PATJ: variants seen among roughly 807,000 people sequenced by gnomAD.
PATJ encodes the protein inaD-like protein.
PATJ carries 190 observed loss-of-function variants against 224.9 expected under a neutral mutation model. The ratio of observed to expected loss-of-function variants is 0.84; its 90% CI spans 0.75 to 0.95. PATJ has a LOEUF of 0.95. PATJ is among the 40% of genes least tolerant of loss of function. The pLI is 0.00. For missense variants in PATJ, 2,121 were observed against 2,270.3 expected (o/e 0.93, Z 1.34); for synonymous variants, 769 against 820.3 (o/e 0.94, Z 1.07).
At chr1:61,926,123 C>T (rs1675157686) in intron 26 of PATJ, among the ~76,000 whole-genome samples, 1 of 152,188 alleles carries the variant, frequency 6.6e-6, no homozygotes, top group African/African-American at 2.4e-5. Flanking sequence ...GTTCCCAGGA[C>T]TGTTCTCAGA....
chr1:61,946,438 C>T (rs533237571), intron 27 of PATJ, among the ~76,000 whole-genome samples: 2 of 152,134 alleles, frequency 1.3e-5, no homozygotes, highest in East Asian at 1.9e-4. Flanking sequence ...ACTATAAACA[C>T]CTCTATGCAA....
At chr1:62,105,934 A>G (rs1021702230) in intron 33 of PATJ, among the ~76,000 whole-genome samples, 4 of 148,276 alleles carry the variant, frequency 2.7e-5, no homozygotes, top group Non-Finnish European at 6.0e-5. Flanking sequence ...TTTTGTTTTT[A>G]ATAGAAAGTA....
Position 61,908,423 on chromosome 1 carries a change from A to T in PATJ, c.3433A>T (p.Ile1145Phe). The change falls in exon 25 of 44, where the codon ATT becomes TTT. Residue 1145 changes from isoleucine to phenylalanine, a missense_variant. Ile to Phe is a conservative substitution (Grantham distance 21). Transcript: ENST00000642238. ...NASHSEAVEA[I>F]KNAGNPVVFI... ...CTCACACAGCGAAGCAGTTGAGGCC[A>T]TTAAGAATGCAGGAAACCCTGTGGT... is the stretch of plus-strand genomic sequence containing the variant. The T allele has an allele frequency of 1.4e-5, 23 of 1,614,092 alleles. No individual in the cohort carries two copies. The highest frequency in any genetic ancestry group is 1.9e-5 in the Non-Finnish European group (23 of 1,179,952).
At chr1:61,896,680 T>C (rs780426915) in intron 22 of PATJ, among the ~76,000 whole-genome samples, 1 of 152,192 alleles carries the variant, frequency 6.6e-6, no homozygotes, top group South Asian at 2.1e-4. Context: ...TCTCAAATTG[T>C]ATTTCCCATG....
At chr1:61,955,527 T>C (rs778844853) in intron 27 of PATJ, among the ~76,000 whole-genome samples, 53 of 152,178 alleles carry the variant, frequency 3.5e-4, no homozygotes, top group Non-Finnish European at 2.4e-4. Flanking sequence ...CAAGAGGGGA[T>C]ACATGTGTAA....
chr1:62,139,274 G>A (rs1405325995), intron 41 of PATJ, among the ~76,000 whole-genome samples: 3 of 151,678 alleles, frequency 2.0e-5, no homozygotes, highest in Admixed American at 1.3e-4. Flanking sequence ...GGTGGCGGGC[G>A]CCTGTAGTCC....
intron 7 of PATJ, among the ~76,000 whole-genome samples, chr1:61,786,661 A>G (rs1361370094): frequency 1.3e-5 from 2 of 152,028 alleles, no homozygotes; most frequent in East Asian, 1.9e-4. Flanking sequence ...CACAGCCCAT[A>G]TAGAAGCTAT....
rs1006014436 is a variant in PATJ, at chr1:61,944,871, G to A, written c.3670+17042G>A. 7.9e-5 allele frequency among the ~76,000 whole-genome samples: 12 copies of A among 152,272 alleles called. No individual in the cohort carries two copies. In the East Asian group the frequency reaches 1.5e-3, roughly 20 times the overall value. On this transcript the variant is annotated intron_variant, in intron 27 of 43. Coordinates refer to ENST00000642238, the MANE Select transcript of PATJ (RefSeq NM_001350145.3). ...AAGGGAAGCCCATCAGACTAACAGC[G>A]GATCTCTCAGCAGAGACTCTACAAG...
chr1:61,922,753 A>G (rs1674513378), intron 26 of PATJ, among the ~76,000 whole-genome samples: 1 of 152,212 alleles, frequency 6.6e-6, no homozygotes, highest in Non-Finnish European at 1.5e-5. Context: ...AATTTTGTCA[A>G]TTCATATGTT....
intron 30 of PATJ, among the ~76,000 whole-genome samples, chr1:62,050,361 A>T (rs1386498791): frequency 6.6e-6 from 1 of 152,176 alleles, no homozygotes; most frequent in Non-Finnish European, 1.5e-5. Flanking sequence ...GTGGTTAAGG[A>T]TAAGGCTGGG....
intron 34 of PATJ, among the ~76,000 whole-genome samples, chr1:62,111,778 A>G (rs1312038001): frequency 1.3e-5 from 2 of 151,446 alleles, no homozygotes. Context: ...CTCCTGCCTC[A>G]GCCTCCCAAG....
chr1:61,785,714 T>A (rs1250481917), intron 7 of PATJ, among the ~76,000 whole-genome samples: 1 of 152,206 alleles, frequency 6.6e-6, no homozygotes, highest in African/African-American at 2.4e-5. Flanking sequence ...AAATTAGCTG[T>A]TTCAAAAATT....
At chr1:62,148,781 G>A (rs2666494) in intron 42 of PATJ, among the ~76,000 whole-genome samples, 97,775 of 151,600 alleles carry the variant, frequency 0.64, 31,744 homozygotes, top group East Asian at 0.75. Flanking sequence ...ACCAGTCATC[G>A]CAGTTAAAGT....
chr1:61,755,436 A>G (rs1212544152), intron 1 of PATJ, among the ~76,000 whole-genome samples: 1 of 152,156 alleles, frequency 6.6e-6, no homozygotes, highest in African/African-American at 2.4e-5. Context: ...GTTTATAATT[A>G]TTTAAAAATA....
At chr1:62,007,390 A>G (rs1646155395) in intron 28 of PATJ, among the ~76,000 whole-genome samples, 1 of 152,252 alleles carries the variant, frequency 6.6e-6, no homozygotes, top group Non-Finnish European at 1.5e-5. Context: ...ATTGTAGGTC[A>G]AGAGCATAGA....
chr1:62,052,129 T>G (rs761173168), intron 31 of PATJ, among the ~76,000 whole-genome samples: 23 of 152,170 alleles, frequency 1.5e-4, no homozygotes, highest in Non-Finnish European at 2.6e-4. Context: ...TGTTTAAAAA[T>G]GTCCTACAAA....
chr1:62,087,901 T>C (rs971392481), intron 33 of PATJ, among the ~76,000 whole-genome samples: 2 of 151,740 alleles, frequency 1.3e-5, no homozygotes, highest in African/African-American at 4.8e-5. Context: ...TAATTTTTTT[T>C]TTTTTTTGAG....
chr1:61,904,360 C>T (rs1456718138), intron 24 of PATJ, among the ~76,000 whole-genome samples: 1 of 152,140 alleles, frequency 6.6e-6, no homozygotes, highest in Admixed American at 6.5e-5. Context: ...CGGTCACCTC[C>T]AATTTTAATA....
Position 61,908,477 on chromosome 1 carries a change from C to G in PATJ, c.3487C>G (p.Pro1163Ala). The stretch of plus-strand genomic sequence containing the variant: ...CATTGTTCAGAGTTTGTCATCCACT[C>G]CACGAGTAAGTTTTAGTTCATATTT... ...VFIVQSLSST[P>A]RVIPNVHNKA... The change falls in exon 25 of 44, where the codon CCA becomes GCA. Residue 1163 changes from proline to alanine, a missense_variant. By Grantham distance (27) the Pro-to-Ala change is conservative. Transcript: ENST00000642238. The G allele has an allele frequency of 6.2e-7, 1 of 1,604,994 alleles. No individual in the cohort carries two copies. Among genetic ancestry groups the G allele is most frequent in the Non-Finnish European group, 8.5e-7 (1 of 1,171,792 alleles).
Sources: allele counts gnomAD v4.1 joint callset (sites outside exome capture counted in the v4.1 genomes callset), GRCh38; gene constraint gnomAD v4.1.1; transcripts MANE v1.5; gene names NCBI Gene and HGNC (gene_info 2026-07-23, HGNC 2026-07-21).